Variants in AGBL4 observed in about 807,000 individuals in gnomAD.
AGBL4 encodes the protein AGBL carboxypeptidase 4, also known as cytosolic carboxypeptidase 6.
AGBL4 carries 58 observed loss-of-function variants against 66.4 expected under a neutral mutation model. The ratio of observed to expected loss-of-function variants is 0.87; its 90% CI spans 0.71 to 1.09. The LOEUF is 1.09. Among genes scored for constraint, AGBL4 ranks in the 50% least tolerant of loss-of-function variants. The pLI is 0.00. For missense variants in AGBL4, 579 were observed against 631.0 expected (o/e 0.92, Z 0.88); for synonymous variants, 234 against 222.9 (o/e 1.05, Z -0.44).
At chr1:48,658,843 ATGTGTGTG>A (rs5774012) in intron 7 of AGBL4, among the ~76,000 whole-genome samples, 5 of 149,660 alleles carry the variant, frequency 3.3e-5, no homozygotes, top group Middle Eastern at 3.5e-3. Flanking sequence ...TGGTGTGTGC[ATGTGTGTG>A]TGTGTGTGTG....
At chr1:48,702,448 C>T (rs1057069469) in intron 6 of AGBL4, among the ~76,000 whole-genome samples, 4 of 152,086 alleles carry the variant, frequency 2.6e-5, no homozygotes, top group African/African-American at 4.8e-5. Context: ...CCCACAACTA[C>T]GCCTAGCTAA....
chr1:48,957,524 A>T (rs1406839005), intron 5 of AGBL4, among the ~76,000 whole-genome samples: 1 of 152,190 alleles, frequency 6.6e-6, no homozygotes, highest in Non-Finnish European at 1.5e-5. Context: ...ATGCTACATT[A>T]CTTTACAAAG....
At chr1:49,263,078 T>C in intron 3 of AGBL4, among the ~76,000 whole-genome samples, 1 of 151,710 alleles carries the variant, frequency 6.6e-6, no homozygotes, top group Non-Finnish European at 1.5e-5. Flanking sequence ...CACCGCATGT[T>C]CTCACTCATA....
At chr1:49,661,821 C>G (rs1646274888) in intron 3 of AGBL4, among the ~76,000 whole-genome samples, 1 of 152,092 alleles carries the variant, frequency 6.6e-6, no homozygotes. Context: ...CCCAGCCATC[C>G]TAATTATAGG....
chr1:49,035,587 C>T (rs1403957705), intron 5 of AGBL4, among the ~76,000 whole-genome samples: 1 of 152,150 alleles, frequency 6.6e-6, no homozygotes, highest in African/African-American at 2.4e-5. Flanking sequence ...TGAGATCTTA[C>T]TGGAAAGCTG....
chr1:49,014,224 G>A (rs1662654325), intron 5 of AGBL4, among the ~76,000 whole-genome samples: 1 of 152,210 alleles, frequency 6.6e-6, no homozygotes, highest in Non-Finnish European at 1.5e-5. Context: ...CTGAAAGCCT[G>A]ACTGGAAATG....
intron 4 of AGBL4, among the ~76,000 whole-genome samples, chr1:49,078,079 C>T (rs889717160): frequency 1.1e-4 from 17 of 152,084 alleles, no homozygotes; most frequent in African/African-American, 3.6e-4. Context: ...CCTGATGTGT[C>T]TGACTCTAAA....
At chr1:49,058,683 C>A (rs1048473707) in intron 4 of AGBL4, among the ~76,000 whole-genome samples, 6 of 152,136 alleles carry the variant, frequency 3.9e-5, no homozygotes, top group Non-Finnish European at 7.4e-5. Flanking sequence ...CAGAAGAAGA[C>A]AGGAAAATGT....
At chr1:48,742,766 C>T (rs1395610711) in intron 6 of AGBL4, 2 of 1,595,496 alleles carry the variant, frequency 1.3e-6, no homozygotes, top group Non-Finnish European at 1.7e-6. Context: ...AGATCAATGG[C>T]GGGACCTAGG....
At chr1:48,614,435 C>G (rs1645286716) in intron 9 of AGBL4, among the ~76,000 whole-genome samples, 1 of 152,178 alleles carries the variant, frequency 6.6e-6, no homozygotes, top group Admixed American at 6.5e-5. Context: ...TTAATCCTAA[C>G]TAACTTGAAT....
At chr1:48,601,136 G>C (rs1029818100) in intron 9 of AGBL4, among the ~76,000 whole-genome samples, 1 of 152,154 alleles carries the variant, frequency 6.6e-6, no homozygotes, top group African/African-American at 2.4e-5. Flanking sequence ...GTGATAAAAG[G>C]GTACTCATGA....
In AGBL4 at chr1:49,561,225, T is replaced by C. The variant is rs933656087; in HGVS notation, c.282+136088A>G. 3.3e-5 allele frequency among the ~76,000 whole-genome samples: 5 copies of C among 151,938 alleles called. No homozygotes were observed. The South Asian group carries it at 6.2e-4, about 19-fold the overall frequency. On this transcript the variant is annotated intron_variant, in intron 3 of 13. Coordinates refer to ENST00000371839, the MANE Select transcript of AGBL4 (RefSeq NM_032785.4). ...GAAGTGGGTAAACCAATTTAGGGTG[T>C]AGAGCTTTTTTAAGTTTTCTTTTTA...
intron 3 of AGBL4, among the ~76,000 whole-genome samples, chr1:49,583,819 TAGAAC>T (rs1278307471): frequency 6.6e-6 from 1 of 152,150 alleles, no homozygotes; most frequent in Non-Finnish European, 1.5e-5. Flanking sequence ...CTATCATCTC[TAGAAC>T]AGAAAAATTA....
intron 2 of AGBL4, among the ~76,000 whole-genome samples, chr1:49,737,190 C>T (rs1051302350): frequency 6.6e-6 from 1 of 152,064 alleles, no homozygotes; most frequent in Non-Finnish European, 1.5e-5. Context: ...TGGGTATATA[C>T]TCAAAACGAA....
intron 3 of AGBL4, among the ~76,000 whole-genome samples, chr1:49,360,385 A>C (rs972794283): frequency 4.6e-5 from 7 of 152,254 alleles, no homozygotes; most frequent in African/African-American, 1.7e-4. Flanking sequence ...TAATAAATTC[A>C]AATGAATTCT....
chr1:48,563,984 C>T (rs1021639452), intron 11 of AGBL4, among the ~76,000 whole-genome samples: 6 of 152,156 alleles, frequency 3.9e-5, no homozygotes, highest in Non-Finnish European at 7.3e-5. Flanking sequence ...ATTTGTGTAC[C>T]TTCTCCTGTA....
At chr1:49,851,572 G>C in intron 1 of AGBL4, 54 bp from the exon 2 acceptor site, 6 of 1,524,460 alleles carry the variant, frequency 3.9e-6, no homozygotes, top group Non-Finnish European at 5.3e-6. Flanking sequence ...TTGAAGTCTA[G>C]TCAGATTTTT....
intron 2 of AGBL4, among the ~76,000 whole-genome samples, chr1:49,731,066 T>A (rs1208377734): frequency 1.3e-5 from 2 of 152,120 alleles, no homozygotes; most frequent in African/African-American, 4.8e-5. Flanking sequence ...ATGGAAAGCA[T>A]CAGACACAGA....
intron 6 of AGBL4, among the ~76,000 whole-genome samples, chr1:48,664,899 T>C (rs1295950983): frequency 1.3e-5 from 2 of 152,184 alleles, no homozygotes; most frequent in Admixed American, 1.3e-4. Context: ...GAGGTTGAAT[T>C]GAAGGATTTA....
Sources: allele counts gnomAD v4.1 joint callset (sites outside exome capture counted in the v4.1 genomes callset), GRCh38; gene constraint gnomAD v4.1.1; transcripts MANE v1.5; gene names NCBI Gene and HGNC (gene_info 2026-07-23, HGNC 2026-07-21).